MICAL3: variants seen among roughly 807,000 people sequenced by gnomAD.
MICAL3 encodes the protein [F-actin]-monooxygenase MICAL3.
MICAL3 carries 62 observed loss-of-function variants against 207.4 expected under a neutral mutation model. That is an observed-to-expected ratio of 0.30 (90% CI 0.24 to 0.37). The LOEUF (loss-of-function observed/expected upper bound fraction) is 0.37. MICAL3 is among the 10% of genes least tolerant of loss of function. MICAL3 has a pLI of 1.00. For missense variants in MICAL3, 2,368 were observed against 2,635.6 expected (o/e 0.90, Z 2.22); for synonymous variants, 1,077 against 1,069.3 (o/e 1.01, Z -0.14).
At chr22:17,813,390 T>C (rs1391750055) in intron 27 of MICAL3, 1 of 152,182 alleles carries the variant, frequency 6.6e-6, no homozygotes. Flanking sequence ...TGTTGCTCCA[T>C]CCATCCCATC....
At chr22:17,998,647 C>T (rs1267554447) in intron 1 of MICAL3, among the ~76,000 whole-genome samples, 1 of 151,688 alleles carries the variant, frequency 6.6e-6, no homozygotes, top group Middle Eastern at 3.2e-3. Context: ...CCTCCACCTC[C>T]CAATTCCCGG....
chr22:18,011,384 A>T (rs1035449359), intron 1 of MICAL3, among the ~76,000 whole-genome samples: 17 of 151,804 alleles, frequency 1.1e-4, no homozygotes, highest in Admixed American at 5.9e-4. Flanking sequence ...ATCTCTACTA[A>T]AAAATACAAA....
chr22:17,859,242 C>T (rs1038800791), intron 19 of MICAL3, among the ~76,000 whole-genome samples: 1 of 152,224 alleles, frequency 6.6e-6, no homozygotes. Context: ...ACCTGCTGCT[C>T]TGATCTATGG....
At position 17,887,173 on chromosome 22, in the gene MICAL3, C is replaced by T; in HGVS notation, c.2064G>A (p.Glu688=). Residue 688 remains glutamate (E), a synonymous_variant, in exon 15 of 32, where the codon GAG becomes GAA. Coordinates refer to ENST00000441493, the MANE Select transcript of MICAL3 (RefSeq NM_015241.3). ...AGKRRKTSQS[E]EEEAPRGHRG... ...CAATTCCCCAAGTGAATCTCACCTCCTCTGATTGACTGGTCTTTCTCCTCT... is the reference window on the plus strand; with the variant it reads ...CAATTCCCCAAGTGAATCTCACCTCTTCTGATTGACTGGTCTTTCTCCTCT... 6.2e-7 allele frequency: 1 copy of T among 1,613,282 alleles called. No individual in the cohort carries two copies. Among genetic ancestry groups the T allele is most frequent in the Non-Finnish European group, 8.5e-7 (1 of 1,179,426 alleles).
rs114865774 is a variant in MICAL3, at chr22:17,857,823, G to A, written c.2605+7076C>T. Among the ~76,000 whole-genome samples the A allele has an allele frequency of 7.7e-3, 1,165 of 152,272 alleles. 17 individuals carry two copies. Among genetic ancestry groups the A allele is most frequent in the African/African-American group, 0.027 (1,112 of 41,538 alleles). The stretch of plus-strand genomic sequence containing the variant: ...TCTGAGGGGCGTGTGCCTTCTTCCC[G>A]TTTTAGGCACATTCTGCCTATGCAC... On this transcript the variant is annotated intron_variant, in intron 19 of 31. Coordinates refer to ENST00000441493, the MANE Select transcript of MICAL3 (RefSeq NM_015241.3).
At chr22:17,821,034 T>C (rs1432969979) in intron 25 of MICAL3, among the ~76,000 whole-genome samples, 1 of 149,386 alleles carries the variant, frequency 6.7e-6, no homozygotes, top group Non-Finnish European at 1.5e-5. Flanking sequence ...CCTATGTTTA[T>C]TATACATTTA....
chr22:17,894,358 C>G (rs1016841047), intron 10 of MICAL3, among the ~76,000 whole-genome samples: 1 of 150,046 alleles, frequency 6.7e-6, no homozygotes, highest in Non-Finnish European at 1.5e-5. Flanking sequence ...TGCCACCACA[C>G]CCCAGAGAGC....
In MICAL3 at chr22:17,900,080, A is replaced by T. The variant is rs1403263359; in HGVS notation, c.848-532T>A. 6.6e-6 allele frequency among the ~76,000 whole-genome samples: 1 copy of T among 152,214 alleles called. No homozygotes were observed. The highest frequency in any genetic ancestry group is 1.5e-5 in the Non-Finnish European group (1 of 68,030). ...AAATATCTAAGTTGATCTATTCAAA[A>T]CCTATCATACAACAATCTCATCGCT... On this transcript the variant is annotated intron_variant, in intron 6 of 31. Coordinates refer to ENST00000441493, the MANE Select transcript of MICAL3 (RefSeq NM_015241.3). This position sits in a 1 kb window ranked among gnomAD's most constrained non-coding sequence, Gnocchi z 4.0.
At chr22:17,879,469 G>T in intron 16 of MICAL3, 1 of 1,385,820 alleles carries the variant, frequency 7.2e-7, no homozygotes, top group Non-Finnish European at 1.0e-6. Flanking sequence ...CTAAACGACA[G>T]TGGGAAATTC....
chr22:17,848,105 TGTGAAGAAAC>T (rs1445095079), intron 19 of MICAL3, among the ~76,000 whole-genome samples: 1 of 152,178 alleles, frequency 6.6e-6, no homozygotes, highest in East Asian at 1.9e-4. Context: ...GGAAGAGAAA[TGTGAAGAAAC>T]GGCCAGGTTG....
chr22:17,876,822 G>GA (rs1928494294), intron 16 of MICAL3: 4 of 119,804 alleles, frequency 3.3e-5, no homozygotes, highest in Admixed American at 2.4e-4. Flanking sequence ...GGAGGTTAGG[G>GA]AGGTTATGGA....
At chr22:17,876,326 G>T in intron 16 of MICAL3, 1 of 152,354 alleles carries the variant, frequency 6.6e-6, no homozygotes. Flanking sequence ...ACTATTTACA[G>T]GTGGGAAGGA....
intron 1 of MICAL3, among the ~76,000 whole-genome samples, chr22:17,922,141 C>T (rs1172317531): frequency 2.0e-5 from 3 of 151,408 alleles, no homozygotes; most frequent in Non-Finnish European, 4.4e-5. Flanking sequence ...CCTGTGTTCC[C>T]TCCCACCTGG....
chr22:17,911,296 T>G (rs1602203764), intron 1 of MICAL3, among the ~76,000 whole-genome samples: 1 of 151,802 alleles, frequency 6.6e-6, no homozygotes, highest in East Asian at 1.9e-4. Context: ...TAGCTGGATG[T>G]TTGTGGGGGA....
At chr22:18,017,752 A>T (rs1924156562) in intron 1 of MICAL3, among the ~76,000 whole-genome samples, 1 of 131,558 alleles carries the variant, frequency 7.6e-6, no homozygotes, top group Non-Finnish European at 1.6e-5. Context: ...CACCCGGCTA[A>T]TTTTTTTTTT....
At chr22:17,865,844 A>T in intron 18 of MICAL3, 80 bp downstream of exon 18, 1 of 1,140,798 alleles carries the variant, frequency 8.8e-7, no homozygotes, top group Non-Finnish European at 1.3e-6. Context: ...GGGCATTTGC[A>T]GGTTGGCCGC....
At chr22:17,805,840 T>C (rs1188227360) in intron 29 of MICAL3, among the ~76,000 whole-genome samples, 1 of 152,232 alleles carries the variant, frequency 6.6e-6, no homozygotes, top group Non-Finnish European at 1.5e-5. Context: ...GCGATTCTCC[T>C]GCCTCAGCCT....
chr22:17,889,920 A>G (rs1930254912), intron 12 of MICAL3, among the ~76,000 whole-genome samples: 1 of 152,178 alleles, frequency 6.6e-6, no homozygotes, highest in Non-Finnish European at 1.5e-5. Flanking sequence ...TTTGGATCAG[A>G]TTGCTCCTAC....
chr22:18,017,051 A>G (rs1452642119), intron 1 of MICAL3, among the ~76,000 whole-genome samples: 1 of 152,184 alleles, frequency 6.6e-6, no homozygotes, highest in African/African-American at 2.4e-5. Flanking sequence ...ATTGTAACTA[A>G]TTTACCACTA....
Sources: allele counts gnomAD v4.1 joint callset (sites outside exome capture counted in the v4.1 genomes callset), GRCh38; gene constraint gnomAD v4.1.1; non-coding constraint Gnocchi (gnomAD v3.1); transcripts MANE v1.5; gene names NCBI Gene and HGNC (gene_info 2026-07-23, HGNC 2026-07-21).